The following PLEKHA6 variants were observed in gnomAD, a reference collection of about 807,000 sequenced individuals.
The protein encoded by PLEKHA6 is pleckstrin homology domain containing A6, also known as pleckstrin homology domain-containing family A member 6.
In PLEKHA6, 60 loss-of-function variants were observed where a neutral mutation model predicts 116.7. That is an observed-to-expected ratio of 0.51 (90% CI 0.42 to 0.64). PLEKHA6 has a LOEUF of 0.64. PLEKHA6 is among the 30% of genes least tolerant of loss of function. The pLI, the probability that PLEKHA6 is intolerant of heterozygous loss-of-function variation, is 0.00. For synonymous variants in PLEKHA6, 489 were observed against 556.1 expected (o/e 0.88, Z 1.70); for missense variants, 1,338 against 1,422.7 (o/e 0.94, Z 0.96).
At chr1:204,263,040 G>C (rs1252823148) in intron 6 of PLEKHA6, among the ~76,000 whole-genome samples, 1 of 152,256 alleles carries the variant, frequency 6.6e-6, no homozygotes, top group African/African-American at 2.4e-5. Context: ...GGAGCAGCCT[G>C]TGTGTGCAGA....
At chr1:204,349,276 C>T (rs1199237293) in intron 1 of PLEKHA6, among the ~76,000 whole-genome samples, 5 of 152,156 alleles carry the variant, frequency 3.3e-5, no homozygotes, top group African/African-American at 1.2e-4. Flanking sequence ...CGGTGGCTCA[C>T]GCCTATAATC....
At chr1:204,351,705 G>T (rs1673285850) in intron 1 of PLEKHA6, among the ~76,000 whole-genome samples, 1 of 152,156 alleles carries the variant, frequency 6.6e-6, no homozygotes, top group South Asian at 2.1e-4. Context: ...GAGAAGGTGA[G>T]GGACTTACTC....
At chr1:204,252,698 T>C (rs1367648108) in intron 9 of PLEKHA6, among the ~76,000 whole-genome samples, 1 of 152,204 alleles carries the variant, frequency 6.6e-6, no homozygotes, top group African/African-American at 2.4e-5. Context: ...TCTTACCCCT[T>C]TTAGGCAGCG....
intron 1 of PLEKHA6, among the ~76,000 whole-genome samples, chr1:204,291,944 T>C (rs761162343): frequency 6.6e-6 from 1 of 152,196 alleles, no homozygotes; most frequent in Non-Finnish European, 1.5e-5. Flanking sequence ...AAGCCTTCAA[T>C]TGAGACATTA....
Position 204,223,416 on chromosome 1 carries a change from G to A in PLEKHA6, c.*8+46C>T. 2.8e-6 allele frequency: 3 copies of A among 1,065,410 alleles called. No homozygotes were observed. In the South Asian group the frequency reaches 4.0e-5, roughly 14 times the overall value. 66.0% of individuals were successfully genotyped at this position (1,065,410 alleles called of 1,614,324 possible). On this transcript the variant is annotated intron_variant, in intron 22 of 22. Coordinates refer to ENST00000272203, the MANE Select transcript of PLEKHA6 (RefSeq NM_014935.5). The surrounding 1 kb of genome is among the most constrained non-coding windows in gnomAD (Gnocchi z 4.8). ...GATGGCTCAATGGGGGTGAAGGAAG[G>A]GGCCCCACTCCCGAGGTGGATGAAA... is the stretch of plus-strand genomic sequence containing the variant.
intron 17 of PLEKHA6, among the ~76,000 whole-genome samples, chr1:204,236,691 A>C (rs1299292241): frequency 4.6e-5 from 7 of 152,190 alleles, no homozygotes; most frequent in Non-Finnish European, 1.0e-4. Context: ...ACTTATGTAG[A>C]GCTCTGTCAT....
In PLEKHA6 at chr1:204,304,177, C is replaced by T. The variant is rs115999193; in HGVS notation, c.-94-29368G>A. Among the ~76,000 whole-genome samples, 996 of 152,302 alleles carry T rather than the reference C, an allele frequency of 6.5e-3. 13 individuals are homozygous for T. The highest frequency in any genetic ancestry group is 0.022 in the South Asian group (106 of 4,828). ...CTTGCTCTTTTCCAAAGATAGAAGA[C>T]GACCTCCCTCATTTCCAAAAGGTGA... On this transcript the variant is annotated intron_variant, in intron 1 of 22. Transcript: ENST00000272203.
chr1:204,252,644 G>A (rs535025962), intron 9 of PLEKHA6, among the ~76,000 whole-genome samples: 9 of 152,124 alleles, frequency 5.9e-5, no homozygotes, highest in East Asian at 1.9e-4. Context: ...TGATTTTTCC[G>A]TCATCTCTCC....
chr1:204,348,177 G>A (rs1423479582), intron 1 of PLEKHA6, among the ~76,000 whole-genome samples: 1 of 152,216 alleles, frequency 6.6e-6, no homozygotes, highest in African/African-American at 2.4e-5. Context: ...AGTTGGAAAT[G>A]CTGCTTAAAG....
intron 21 of PLEKHA6, among the ~76,000 whole-genome samples, chr1:204,224,492 C>T (rs1375572043): frequency 6.6e-6 from 1 of 151,774 alleles, no homozygotes; most frequent in Non-Finnish European, 1.5e-5. Flanking sequence ...CCCAGTCCCT[C>T]GTCCCCCACC....
chr1:204,297,257 C>T, intron 1 of PLEKHA6: 1 of 935,748 alleles, frequency 1.1e-6, no homozygotes, highest in Non-Finnish European at 1.3e-6. Flanking sequence ...TACATGGATA[C>T]ATGGAGTGTC....
Position 204,223,871 on chromosome 1 carries a change from C to A in PLEKHA6, c.3032-286G>T, listed in dbSNP as rs2102364615. Reference sequence around the variant, plus strand: ...CCATCTCTGGGCAAAGGGCTCCCCTCCCATCCACACAATGGGGAGATTCAC... The same window carrying A: ...CCATCTCTGGGCAAAGGGCTCCCCTACCATCCACACAATGGGGAGATTCAC... On this transcript the variant is annotated intron_variant, in intron 21 of 22. Coordinates refer to ENST00000272203, the MANE Select transcript of PLEKHA6 (RefSeq NM_014935.5). The surrounding 1 kb of genome is among the most constrained non-coding windows in gnomAD (Gnocchi z 4.8). 6.6e-6 allele frequency among the ~76,000 whole-genome samples: 1 copy of A among 152,204 alleles called. No individual in the cohort carries two copies. The highest frequency in any genetic ancestry group is 3.4e-3 in the Middle Eastern group (1 of 294).
rs746687720 is a variant in PLEKHA6 at position 204,249,274 on chromosome 1, CAG to C, written c.1594-12_1594-11del. ...ATTTTCCCAGCAGCTTCTAGGGACC[CAG>C]AGAGTGGAGAAGGAGAGGGAGAAAG... On this transcript the variant is annotated splice_polypyrimidine_tract_variant and intron_variant, in intron 10 of 22. Coordinates refer to ENST00000272203, the MANE Select transcript of PLEKHA6 (RefSeq NM_014935.5). 3.1e-5 allele frequency: 50 copies of C among 1,594,086 alleles called. No individual in the cohort carries two copies. Among genetic ancestry groups the C allele is most frequent in the Non-Finnish European group, 4.0e-5 (47 of 1,161,834 alleles).
In PLEKHA6 at chr1:204,359,893, G is replaced by C. The variant is rs1410967359; in HGVS notation, c.-294C>G. The C allele has an allele frequency of 6.3e-6, 1 of 157,698 alleles. No individual in the cohort carries two copies. The highest frequency in any genetic ancestry group is 1.4e-5 in the Non-Finnish European group (1 of 73,034). 9.8% of individuals were successfully genotyped at this position (157,698 alleles called of 1,614,324 possible). Reference sequence around the variant, plus strand: ...GTCCCTGGCGCAGGGAGAGGATGCTGTTGTGGTTACTGCAGGATCCAGCAT... The same window carrying C: ...GTCCCTGGCGCAGGGAGAGGATGCTCTTGTGGTTACTGCAGGATCCAGCAT... On this transcript the variant is annotated 5_prime_UTR_variant, in exon 1 of 23. Transcript: ENST00000272203.
Position 204,228,803 on chromosome 1 carries a change from G to A in PLEKHA6, c.2810C>T (p.Thr937Ile), listed in dbSNP as rs754501990. 6.2e-7 allele frequency: 1 copy of A among 1,613,912 alleles called. No homozygotes were observed. Among genetic ancestry groups the A allele is most frequent in the Admixed American group, 1.7e-5 (1 of 60,024 alleles). The change falls in exon 20 of 23, where the codon ACT becomes ATT. Residue 937 changes from threonine (T) to isoleucine (I), a missense_variant. Transcript: ENST00000272203. The surrounding 1 kb of genome is among the most constrained non-coding windows in gnomAD (Gnocchi z 4.0). Reference sequence around the variant, plus strand: ...CTTCAACTCCTCAGGGCTCAGGGGAGTGTCAGGCTCCAGGTCAATGTACCG... The same window carrying A: ...CTTCAACTCCTCAGGGCTCAGGGGAATGTCAGGCTCCAGGTCAATGTACCG... ...PERYIDLEPDTPLSPEELKEK... is the reference protein window; with the variant it reads ...PERYIDLEPDIPLSPEELKEK...
In PLEKHA6 at chr1:204,230,477, C is replaced by T. The variant is rs780205549; in HGVS notation, c.2519G>A (p.Arg840Gln). The part of the protein sequence containing the change: ...RHQSGSMREK[R>Q]RSLQLPASPA... Reference sequence around the variant, plus strand: ...GCTGGCCGGGAGCTGCAGGCTCCTCCGCTTCTCCCTCATGGAGCCACTCTG... The same window carrying T: ...GCTGGCCGGGAGCTGCAGGCTCCTCTGCTTCTCCCTCATGGAGCCACTCTG... The change falls in exon 18 of 23, where the codon CGG (arginine) becomes CAG (glutamine). Residue 840 changes from arginine to glutamine, a missense_variant. This residue lies in a region of PLEKHA6 where 1,136 missense variants were observed against 1,163.6 expected (regional missense o/e 0.98). Coordinates refer to ENST00000272203, the MANE Select transcript of PLEKHA6 (RefSeq NM_014935.5). 40 of 1,581,702 alleles carry T rather than the reference C, an allele frequency of 2.5e-5. No individual in the cohort carries two copies. Among genetic ancestry groups the T allele is most frequent in the South Asian group, 1.7e-4 (15 of 86,586 alleles).
intron 2 of PLEKHA6, among the ~76,000 whole-genome samples, chr1:204,370,717 C>A (rs1673757328): frequency 6.6e-6 from 1 of 152,174 alleles, no homozygotes; most frequent in African/African-American, 2.4e-5. Flanking sequence ...GAAACAGGCG[C>A]TCCCACTAGC....
At chr1:204,230,255 T>TG (rs1380808750) in intron 18 of PLEKHA6, among the ~76,000 whole-genome samples, 158 bp downstream of exon 18, 1 of 152,264 alleles carries the variant, frequency 6.6e-6, no homozygotes, top group Non-Finnish European at 1.5e-5. Context: ...CTTCTGCCGA[T>TG]GGGGGAGAGG....
At chr1:204,371,861 T>C (rs1214222646) in intron 1 of PLEKHA6, among the ~76,000 whole-genome samples, 4 of 152,210 alleles carry the variant, frequency 2.6e-5, no homozygotes, top group Non-Finnish European at 5.9e-5. Context: ...CATAAAAAGA[T>C]AGCTGCAATA....
Sources: allele counts gnomAD v4.1 joint callset (sites outside exome capture counted in the v4.1 genomes callset), GRCh38; gene constraint gnomAD v4.1.1; regional missense constraint gnomAD v4.1.1; non-coding constraint Gnocchi (gnomAD v3.1); transcripts MANE v1.5; gene names NCBI Gene and HGNC (gene_info 2026-07-23, HGNC 2026-07-21).